Variants in DOK5 observed in about 807,000 individuals in gnomAD.
DOK5 encodes docking protein 5, also known as downstream of tyrosine kinase 5.
Under a neutral mutation model 43.3 loss-of-function variants are expected in DOK5, and 27 were observed. The ratio of observed to expected loss-of-function variants is 0.62; its 90% confidence interval spans 0.46 to 0.86. The LOEUF is 0.86. Among genes scored for constraint, DOK5 ranks in the 40% least tolerant of loss-of-function variants. The pLI is 0.00. For missense variants in DOK5, 373 were observed against 392.9 expected (o/e 0.95, Z 0.43); for synonymous variants, 146 against 140.1 (o/e 1.04, Z -0.30).
In DOK5 at chr20:54,588,497, T is replaced by C; in HGVS notation, c.189T>C (p.Asn63=). The part of the protein sequence containing the change: ...FRCYHKVTEL[N]NVKNVARLPK... ...TTCATTTTCAGGTTACAGAACTCAATAATGTGAAGAACGTAGCTCGATTGC... is the reference window on the plus strand; with the variant it reads ...TTCATTTTCAGGTTACAGAACTCAACAATGTGAAGAACGTAGCTCGATTGC... Residue 63 remains asparagine, a synonymous_variant, in exon 3 of 8, where the codon AAT becomes AAC. Coordinates refer to ENST00000262593, the MANE Select transcript of DOK5 (RefSeq NM_018431.5). The C allele has an allele frequency of 6.2e-7, 1 of 1,614,120 alleles. No individual in the cohort carries two copies. Among genetic ancestry groups the C allele is most frequent in the Non-Finnish European group, 8.5e-7 (1 of 1,179,940 alleles).
At position 54,610,541 on chromosome 20, in the gene DOK5, T is replaced by C; in HGVS notation, c.735+18T>C. On this transcript the variant is annotated intron_variant, in intron 6 of 7. Coordinates refer to ENST00000262593, the MANE Select transcript of DOK5 (RefSeq NM_018431.5). ...ACTCGATGGTACGTTTGGAATTTCTTCCTCGTGTCCCAGTGCCTATCACTG... is the reference window on the plus strand; with the variant it reads ...ACTCGATGGTACGTTTGGAATTTCTCCCTCGTGTCCCAGTGCCTATCACTG... 1 of 1,458,630 alleles carries C rather than the reference T, an allele frequency of 6.9e-7. No individual in the cohort carries two copies. Among genetic ancestry groups the C allele is most frequent in the Non-Finnish European group, 9.1e-7 (1 of 1,099,160 alleles). The allele number at this position is 1,458,630 out of a possible 1,614,324, so 90.4% of individuals were successfully genotyped here. A position where few individuals can be genotyped will look rare whatever the true frequency, so the allele number is the denominator to read the frequency against.
chr20:54,546,549 T>A (rs1600693675), intron 1 of DOK5, among the ~76,000 whole-genome samples: 2 of 120,874 alleles, frequency 1.7e-5, no homozygotes, highest in African/African-American at 6.2e-5. Context: ...CCCTCCCCCC[T>A]CCCCTGACCC....
At chr20:54,583,695 G>T (rs1000158933) in intron 2 of DOK5, among the ~76,000 whole-genome samples, 6 of 151,842 alleles carry the variant, frequency 4.0e-5, no homozygotes, top group African/African-American at 1.5e-4. Context: ...TATAAGTATT[G>T]CCACCCCTAC....
chr20:54,607,834 G>A (rs1222173988), intron 5 of DOK5, among the ~76,000 whole-genome samples: 1 of 151,988 alleles, frequency 6.6e-6, no homozygotes, highest in Non-Finnish European at 1.5e-5. Context: ...AGTGAGCCAA[G>A]ATCGCACCAC....
intron 1 of DOK5, among the ~76,000 whole-genome samples, chr20:54,516,564 T>A (rs1983204271): frequency 6.6e-6 from 1 of 152,206 alleles, no homozygotes; most frequent in South Asian, 2.1e-4. Context: ...GTTCCCCTTA[T>A]AACATCCTGT....
intron 6 of DOK5, among the ~76,000 whole-genome samples, chr20:54,636,995 G>C (rs1281897861): frequency 1.3e-5 from 2 of 152,178 alleles, no homozygotes; most frequent in Admixed American, 6.5e-5. Context: ...AATCATACAT[G>C]TTGTAGCACA....
At chr20:54,559,619 C>A (rs544143113) in intron 2 of DOK5, among the ~76,000 whole-genome samples, 2 of 152,266 alleles carry the variant, frequency 1.3e-5, no homozygotes, top group East Asian at 3.9e-4. Flanking sequence ...CCACTGCAGC[C>A]CCTCATGGGC....
Position 54,650,670 on chromosome 20 carries a change from A to G in DOK5, c.*191A>G, listed in dbSNP as rs1465572954. On this transcript the variant is annotated 3_prime_UTR_variant, in exon 8 of 8. Coordinates refer to ENST00000262593, the MANE Select transcript of DOK5 (RefSeq NM_018431.5). ...TTTTCTTTTTCTTTTTTAAATTCTT[A>G]GTGTAATTGAAACGTGCTCTATAGA... 3 of 535,046 alleles carry G rather than the reference A, an allele frequency of 5.6e-6. No individual in the cohort carries two copies. The highest frequency in any genetic ancestry group is 6.5e-6 in the Non-Finnish European group (2 of 306,712). 33.1% of individuals were successfully genotyped at this position (535,046 alleles called of 1,614,324 possible). A position where few individuals can be genotyped will look rare whatever the true frequency, so the allele number is the denominator to read the frequency against.
chr20:54,622,123 G>C (rs1600744087), intron 6 of DOK5, among the ~76,000 whole-genome samples: 2 of 151,714 alleles, frequency 1.3e-5, no homozygotes, highest in East Asian at 2.0e-4. Flanking sequence ...GAACCCAGGA[G>C]TCGGAGGTTG....
chr20:54,505,160 A>T (rs1364719042), intron 1 of DOK5, among the ~76,000 whole-genome samples: 1 of 152,114 alleles, frequency 6.6e-6, no homozygotes, highest in Non-Finnish European at 1.5e-5. Flanking sequence ...CCTGCAATGT[A>T]GGGATATTAT....
chr20:54,491,072 A>G (rs563399840), intron 1 of DOK5, among the ~76,000 whole-genome samples: 1 of 152,250 alleles, frequency 6.6e-6, no homozygotes, highest in East Asian at 1.9e-4. Context: ...TGACCATCCA[A>G]TCTTAGGTGG....
chr20:54,604,035 C>T (rs1160185985), intron 5 of DOK5, among the ~76,000 whole-genome samples: 1 of 150,144 alleles, frequency 6.7e-6, no homozygotes, highest in Non-Finnish European at 1.5e-5. Flanking sequence ...CAAGCTCCGC[C>T]TCCCGGGTTC....
intron 1 of DOK5, among the ~76,000 whole-genome samples, chr20:54,504,793 G>A (rs1010594628): frequency 1.3e-5 from 2 of 152,196 alleles, no homozygotes; most frequent in African/African-American, 4.8e-5. Flanking sequence ...GACAAATGTT[G>A]TGTGCATCAA....
intron 2 of DOK5, among the ~76,000 whole-genome samples, chr20:54,587,690 G>A (rs1164933494): frequency 6.6e-6 from 1 of 152,106 alleles, no homozygotes; most frequent in African/African-American, 2.4e-5. Context: ...TTTGTGGGAA[G>A]GGAGGGGTTT....
intron 1 of DOK5, among the ~76,000 whole-genome samples, chr20:54,509,448 C>T (rs1460286870): frequency 6.6e-6 from 1 of 152,170 alleles, no homozygotes. Context: ...CTCACCTCCG[C>T]CTCCCAAAAT....
chr20:54,495,614 G>A (rs973814991), intron 1 of DOK5, among the ~76,000 whole-genome samples: 1 of 152,200 alleles, frequency 6.6e-6, no homozygotes, highest in Admixed American at 6.5e-5. Flanking sequence ...GAAGTGGCTG[G>A]GCGCAGTGGC....
chr20:54,532,560 C>T (rs1218854135), intron 1 of DOK5, among the ~76,000 whole-genome samples: 1 of 152,114 alleles, frequency 6.6e-6, no homozygotes, highest in African/African-American at 2.4e-5. Flanking sequence ...GTGTGGGAGG[C>T]TGGAGGTGGG....
intron 6 of DOK5, among the ~76,000 whole-genome samples, chr20:54,625,454 G>A (rs1042258599): frequency 1.1e-4 from 17 of 152,274 alleles, no homozygotes; most frequent in Non-Finnish European, 2.2e-4. Flanking sequence ...TTATCATTTG[G>A]AACGGAGTAG....
At chr20:54,589,896 T>C (rs1325951525) in intron 4 of DOK5, among the ~76,000 whole-genome samples, 2 of 152,126 alleles carry the variant, frequency 1.3e-5, no homozygotes, top group Admixed American at 1.3e-4. Context: ...GGAGCCTCTT[T>C]GTAGATTGGA....
Sources: gnomAD v4.1 joint callset for allele counts (sites outside exome capture counted in the v4.1 genomes callset) on GRCh38, gnomAD v4.1.1 for gene constraint, MANE v1.5 for transcripts, NCBI Gene and HGNC (gene_info 2026-07-23, HGNC 2026-07-21) for gene names.